The following UBAP2 variants were observed in gnomAD, a reference collection of about 807,000 sequenced individuals.
The protein encoded by UBAP2 is ubiquitin-associated protein 2.
Under a neutral mutation model 139.6 loss-of-function variants are expected in UBAP2, and 75 were observed. The ratio of observed to expected loss-of-function variants is 0.54; its 90% CI spans 0.45 to 0.65. UBAP2 has a LOEUF of 0.65. Among genes scored for constraint, UBAP2 ranks in the 30% least tolerant of loss-of-function variants. UBAP2 has a pLI of 0.00. For missense variants in UBAP2, 1,368 were observed against 1,369.6 expected (o/e 1.00, Z 0.02); for synonymous variants, 526 against 526.2 (o/e 1.00, Z 0.01).
At chr9:33,968,276 T>C (rs1417047965) in intron 8 of UBAP2, 7 of 616,818 alleles carry the variant, frequency 1.1e-5, no homozygotes, top group Non-Finnish European at 1.6e-5. Flanking sequence ...CATAATATAC[T>C]GTCCATTTAC....
intron 20 of UBAP2, among the ~76,000 whole-genome samples, chr9:33,927,504 G>A (rs999395657): frequency 2.6e-5 from 4 of 152,202 alleles, no homozygotes; most frequent in Admixed American, 1.3e-4. Flanking sequence ...GTCTGCAGTC[G>A]TGGAGCCCAC....
intron 1 of UBAP2, among the ~76,000 whole-genome samples, chr9:34,029,730 C>A (rs1421293708): frequency 2.0e-5 from 3 of 151,852 alleles, no homozygotes; most frequent in African/African-American, 7.3e-5. Flanking sequence ...TGGCTCACAC[C>A]TGTAAACCCA....
intron 1 of UBAP2, among the ~76,000 whole-genome samples, chr9:34,037,999 A>C (rs1174929174): frequency 1.3e-4 from 1 of 7,514 alleles, no homozygotes; most frequent in Non-Finnish European, 3.7e-4. Context: ...TGTCTCTACA[A>C]AAAAAAAAAA....
At chr9:33,945,782 T>G (rs2130942354) in intron 13 of UBAP2, among the ~76,000 whole-genome samples, 1 of 152,348 alleles carries the variant, frequency 6.6e-6, no homozygotes, top group South Asian at 2.1e-4. Flanking sequence ...TTTTGGTGAC[T>G]ACACAGAAAT....
At chr9:33,941,287 C>G (rs1010196599) in intron 16 of UBAP2, among the ~76,000 whole-genome samples, 1 of 152,130 alleles carries the variant, frequency 6.6e-6, no homozygotes, top group African/African-American at 2.4e-5. Context: ...AAATACCTAA[C>G]AGTGATGAAG....
intron 5 of UBAP2, 40 bp downstream of exon 5, chr9:33,988,933 T>C (rs747628457): frequency 1.9e-6 from 3 of 1,583,612 alleles, no homozygotes; most frequent in Non-Finnish European, 2.6e-6. Context: ...TCACTTGAGA[T>C]GAAAGAAGAG....
At chr9:33,937,988 G>C (rs1752236132) in intron 16 of UBAP2, among the ~76,000 whole-genome samples, 1 of 152,052 alleles carries the variant, frequency 6.6e-6, no homozygotes, top group Middle Eastern at 3.4e-3. Context: ...GTTTTGGGGG[G>C]TTTCTTTTGT....
chr9:34,039,150 G>T (rs966415158), intron 1 of UBAP2, among the ~76,000 whole-genome samples: 1 of 151,598 alleles, frequency 6.6e-6, no homozygotes, highest in African/African-American at 2.4e-5. Context: ...GAGGTGGGGG[G>T]CAGCCTCCGC....
chr9:33,972,375 G>A (rs1827980525), intron 7 of UBAP2, among the ~76,000 whole-genome samples: 1 of 152,106 alleles, frequency 6.6e-6, no homozygotes, highest in African/African-American at 2.4e-5. Flanking sequence ...TAATGAGCAG[G>A]GCTATGTCTT....
At chr9:33,923,554 T>A in intron 24 of UBAP2, 76 bp from the exon 25 acceptor site, 1 of 1,439,850 alleles carries the variant, frequency 6.9e-7, no homozygotes, top group Non-Finnish European at 9.8e-7. Flanking sequence ...TGCCAGAGCC[T>A]AAGGCAGCAG....
intron 8 of UBAP2, among the ~76,000 whole-genome samples, chr9:33,967,900 T>A (rs775185674): frequency 2.0e-5 from 3 of 152,238 alleles, no homozygotes; most frequent in Non-Finnish European, 4.4e-5. Context: ...GTCTCTTTGA[T>A]ACCAAGAAGA....
At chr9:34,020,966 A>G (rs990206655) in intron 1 of UBAP2, among the ~76,000 whole-genome samples, 47 of 152,204 alleles carry the variant, frequency 3.1e-4, no homozygotes, top group East Asian at 2.1e-3. Flanking sequence ...TGTTTTCTAG[A>G]ACGGTCAGTT....
At chr9:34,035,934 G>C (rs1456595508) in intron 1 of UBAP2, among the ~76,000 whole-genome samples, 1 of 151,596 alleles carries the variant, frequency 6.6e-6, no homozygotes, top group African/African-American at 2.4e-5. Flanking sequence ...TTGAGCCCAG[G>C]TAGGTTAAGG....
chr9:34,039,990 T>C (rs1323677430), intron 1 of UBAP2, among the ~76,000 whole-genome samples: 1 of 151,564 alleles, frequency 6.6e-6, no homozygotes, highest in East Asian at 2.0e-4. Flanking sequence ...AAACCCCGAC[T>C]CTACTAAAAG....
At chr9:33,996,482 C>G (rs773310113) in intron 3 of UBAP2, 149 bp from the exon 4 acceptor site, 58 of 577,066 alleles carry the variant, frequency 1.0e-4, no homozygotes, top group Admixed American at 4.6e-4. Context: ...GACATGTTTA[C>G]TTATTTTTTT....
At chr9:34,023,148 C>T (rs181913901) in intron 1 of UBAP2, among the ~76,000 whole-genome samples, 45 of 151,820 alleles carry the variant, frequency 3.0e-4, no homozygotes, top group African/African-American at 1.0e-3. Flanking sequence ...ATCGCTTGAA[C>T]CCAGGAGGCA....
At chr9:33,950,377 T>C (rs1335402286) in intron 12 of UBAP2, among the ~76,000 whole-genome samples, 3 of 152,134 alleles carry the variant, frequency 2.0e-5, no homozygotes, top group Non-Finnish European at 2.9e-5. Context: ...GGCCCAAAAA[T>C]AACATTTCAT....
chr9:33,940,896 T>C (rs1825145539), intron 16 of UBAP2, among the ~76,000 whole-genome samples: 1 of 152,248 alleles, frequency 6.6e-6, no homozygotes, highest in South Asian at 2.1e-4. Context: ...AACTTTTATA[T>C]GCACTAGGAA....
chr9:33,935,163 C>CA (rs1310293296), intron 17 of UBAP2, among the ~76,000 whole-genome samples: 1 of 87,926 alleles, frequency 1.1e-5, no homozygotes. Context: ...TTGGAAGTGG[C>CA]GGGGGGGGGG....
Sources: allele counts gnomAD v4.1 joint callset (sites outside exome capture counted in the v4.1 genomes callset), GRCh38; gene constraint gnomAD v4.1.1; transcripts MANE v1.5; gene names NCBI Gene and HGNC (gene_info 2026-07-23, HGNC 2026-07-21).